PTPN11: variants seen among roughly 807,000 people sequenced by gnomAD.
PTPN11 encodes the protein protein tyrosine phosphatase non-receptor type 11, also known as tyrosine-protein phosphatase non-receptor type 11.
Under a neutral mutation model 78.8 loss-of-function variants are expected in PTPN11, and 6 were observed. The observed-to-expected ratio is 0.08, with a 90% CI of 0.04 to 0.15. The LOEUF (loss-of-function observed/expected upper bound fraction) is 0.15, where lower values mean the gene tolerates loss of function less well. Ranked by LOEUF, PTPN11 falls within the 10% of genes least tolerant of loss-of-function variation. The pLI, the probability that PTPN11 is intolerant of heterozygous loss-of-function variation, is 1.00. For synonymous variants in PTPN11, 221 were observed against 263.5 expected (o/e 0.84, Z 1.56); for missense variants, 386 against 744.8 (o/e 0.52, Z 5.61).
intron 6 of PTPN11, among the ~76,000 whole-genome samples, chr12:112,462,803 A>G (rs2038268020): frequency 6.6e-6 from 1 of 152,138 alleles, no homozygotes; most frequent in South Asian, 2.1e-4. Flanking sequence ...GTGTACTTGT[A>G]CCATAGTTTA....
In PTPN11 at chr12:112,486,511, C is replaced by T. The variant is rs1355732645; in HGVS notation, c.1261C>T (p.Arg421Trp). ...GAGAACGGTCTGGCAATACCACTTT[C>T]GGACCTGGCCGGACCACGGCGTGCC... is the stretch of plus-strand genomic sequence containing the variant. ...TERTVWQYHF[R>W]TWPDHGVPSD... The change falls in exon 11 of 16, where the codon CGG (arginine) becomes TGG (tryptophan). Residue 421 changes from arginine (R) to tryptophan (W), a missense_variant. Arg to Trp is a moderately radical substitution (Grantham distance 101). Around this residue, in one of 3 missense-constraint regions of PTPN11, gnomAD observed 63 missense variants for 182.2 expected, o/e 0.35. Transcript: ENST00000351677. 2 of 1,614,162 alleles carry T rather than the reference C, an allele frequency of 1.2e-6. No individual in the cohort carries two copies. The highest frequency in any genetic ancestry group is 1.7e-6 in the Non-Finnish European group (2 of 1,180,000).
At chr12:112,426,757 A>G (rs966571245) in intron 1 of PTPN11, among the ~76,000 whole-genome samples, 1 of 151,952 alleles carries the variant, frequency 6.6e-6, no homozygotes, top group African/African-American at 2.4e-5. Context: ...AAGTCTTTCT[A>G]TGAGATGAGT....
In PTPN11 at chr12:112,446,279, G is replaced by T. The variant is rs79203122; in HGVS notation, c.18G>T (p.Trp6Cys). Residue 6 changes from tryptophan (W) to cysteine (C), a missense_variant, in exon 2 of 16, where the codon TGG becomes TGT. This residue lies in a region of PTPN11 where 279 missense variants were observed against 503.3 expected (regional missense o/e 0.55). Coordinates refer to ENST00000351677, the MANE Select transcript of PTPN11 (RefSeq NM_002834.5). MTSRR[W>C]FHPNITGVEA... is the part of the protein sequence containing the mutation. ...TTACTTTGTCTTTCTTTTTAAGATG[G>T]TTTCACCCAAATATCACTGGTGTGG... is the stretch of plus-strand genomic sequence containing the variant. The T allele has an allele frequency of 1.9e-6, 3 of 1,613,968 alleles. No individual in the cohort carries two copies. The highest frequency in any genetic ancestry group is 1.7e-6 in the Non-Finnish European group (2 of 1,179,906).
At chr12:112,443,846 G>T (rs2037947624) in intron 1 of PTPN11, among the ~76,000 whole-genome samples, 1 of 151,500 alleles carries the variant, frequency 6.6e-6, no homozygotes, top group Non-Finnish European at 1.5e-5. Flanking sequence ...TAGAGACTGG[G>T]TTTCGCCATG....
rs2038938008 is a variant in PTPN11, at chr12:112,506,539, AT to A, written c.*748del. On this transcript the variant is annotated 3_prime_UTR_variant, in exon 16 of 16. Coordinates refer to ENST00000351677, the MANE Select transcript of PTPN11 (RefSeq NM_002834.5). ...TTTGCCATATTTTCTTTGCATTTGA[AT>A]AATTGTCTTGTACTTAGAAAAAAGG... 6.6e-6 allele frequency: 1 copy of A among 151,996 alleles called. No homozygotes were observed. The highest frequency in any genetic ancestry group is 1.5e-5 in the Non-Finnish European group (1 of 68,042). The allele number at this position is 151,996 out of a possible 1,614,324, so 9.4% of individuals were successfully genotyped here.
intron 1 of PTPN11, among the ~76,000 whole-genome samples, chr12:112,441,472 A>G (rs374637745): frequency 6.6e-6 from 1 of 151,778 alleles, no homozygotes; most frequent in African/African-American, 2.4e-5. Context: ...CATTTTGCCC[A>G]GGCTGGTCTT....
At chr12:112,472,905 C>G in intron 6 of PTPN11, 39 bp from the exon 7 acceptor site, 1 of 1,482,412 alleles carries the variant, frequency 6.7e-7, no homozygotes, top group Non-Finnish European at 9.4e-7. Context: ...TTCTGTGACT[C>G]TTTGACACGT....
At chr12:112,455,182 C>A (rs542085358) in intron 5 of PTPN11, among the ~76,000 whole-genome samples, 1 of 151,758 alleles carries the variant, frequency 6.6e-6, no homozygotes, top group East Asian at 1.9e-4. Context: ...GAAACATATT[C>A]CAGATTTATA....
At chr12:112,443,600 C>T (rs1000597114) in intron 1 of PTPN11, among the ~76,000 whole-genome samples, 5 of 151,796 alleles carry the variant, frequency 3.3e-5, no homozygotes, top group Middle Eastern at 3.4e-3. Flanking sequence ...ATGATCCGCC[C>T]GCCTTGGCCT....
At chr12:112,455,422 A>G (rs564566913) in intron 5 of PTPN11, among the ~76,000 whole-genome samples, 1 of 151,756 alleles carries the variant, frequency 6.6e-6, no homozygotes, top group South Asian at 2.1e-4. Flanking sequence ...TTTAGTAGAG[A>G]TGGGGTTTCA....
intron 1 of PTPN11, among the ~76,000 whole-genome samples, chr12:112,443,065 G>GTGTGTATT (rs1409964483): frequency 1.3e-5 from 2 of 150,904 alleles, no homozygotes; most frequent in Non-Finnish European, 2.9e-5. Flanking sequence ...AAATACTTCA[G>GTGTGTATT]TGTGTATTTC....
chr12:112,498,148 G>A (rs1056571728), intron 13 of PTPN11, among the ~76,000 whole-genome samples: 6 of 149,082 alleles, frequency 4.0e-5, no homozygotes, highest in East Asian at 2.7e-4. Flanking sequence ...GTGAGACTTC[G>A]TGTCAAAAAA....
intron 1 of PTPN11, among the ~76,000 whole-genome samples, chr12:112,420,028 C>T (rs1259317516): frequency 1.3e-5 from 2 of 152,224 alleles, no homozygotes; most frequent in Non-Finnish European, 2.9e-5. Flanking sequence ...AACCGAGTTT[C>T]AGAGGTTAAG....
intron 1 of PTPN11, 27 bp from the exon 2 acceptor site, chr12:112,446,249 A>G: frequency 6.2e-7 from 1 of 1,613,224 alleles, no homozygotes; most frequent in Non-Finnish European, 8.5e-7. Context: ...TTGTTTTTTT[A>G]TTACTTACTT....
intron 1 of PTPN11, 89 bp downstream of exon 1, chr12:112,419,214 G>C (rs2037477315): frequency 7.7e-7 from 1 of 1,293,484 alleles, no homozygotes; most frequent in African/African-American, 1.6e-5. Flanking sequence ...GCCCCGGCCG[G>C]GCTTCGGGCT....
intron 1 of PTPN11, among the ~76,000 whole-genome samples, chr12:112,429,036 C>T (rs756988132): frequency 7.2e-5 from 11 of 152,132 alleles, no homozygotes; most frequent in Admixed American, 6.6e-5. Context: ...CGTGAGCCAC[C>T]GCGTCCGGCC....
chr12:112,458,786 A>G (rs2038202877), intron 6 of PTPN11, among the ~76,000 whole-genome samples: 1 of 152,170 alleles, frequency 6.6e-6, no homozygotes, highest in African/African-American at 2.4e-5. Context: ...TAATCTCAGC[A>G]CTTTTAGAGG....
In PTPN11 at chr12:112,486,605, C is replaced by A. The variant is rs2135912881; in HGVS notation, c.1355C>A (p.Ala452Glu). 6.2e-7 allele frequency: 1 copy of A among 1,613,132 alleles called. No homozygotes were observed. Among genetic ancestry groups the A allele is most frequent in the Non-Finnish European group, 8.5e-7 (1 of 1,180,028 alleles). Residue 452 changes from alanine to glutamate, a missense_variant, in exon 11 of 16, where the codon GCA (alanine) becomes GAA (glutamate). Ala to Glu is a moderately radical substitution (Grantham distance 107). Around this residue, in one of 3 missense-constraint regions of PTPN11, gnomAD observed 63 missense variants for 182.2 expected, o/e 0.35. Coordinates refer to ENST00000351677, the MANE Select transcript of PTPN11 (RefSeq NM_002834.5). ...CATAAGCAGGAGAGCATCATGGATG[C>A]AGGGCCGGTCGTGGTGCACTGCAGG... Reference protein sequence around the residue: ...VHHKQESIMDAGPVVVHCSAG... With the variant: ...VHHKQESIMDEGPVVVHCSAG...
chr12:112,470,490 G>T (rs1044120044), intron 6 of PTPN11, among the ~76,000 whole-genome samples: 10 of 152,200 alleles, frequency 6.6e-5, no homozygotes, highest in African/African-American at 2.2e-4. Context: ...TTAGAGGCAG[G>T]CCCTGATTAG....
Sources: gnomAD v4.1 joint callset for allele counts (sites outside exome capture counted in the v4.1 genomes callset) on GRCh38, gnomAD v4.1.1 for gene constraint, gnomAD v4.1.1 regional missense constraint, MANE v1.5 for transcripts, NCBI Gene and HGNC (gene_info 2026-07-23, HGNC 2026-07-21) for gene names.